The following ABCB5 variants were observed in gnomAD, a reference collection of about 807,000 sequenced individuals.
ABCB5 encodes the protein ATP binding cassette subfamily B member 5.
ABCB5 carries 155 observed loss-of-function variants against 144.2 expected under a neutral mutation model. That is an observed-to-expected ratio of 1.08 (90% CI 0.94 to 1.23). The LOEUF is 1.23. Among genes scored for constraint, ABCB5 ranks in the 50% most tolerant of loss-of-function variants. The pLI, the probability that ABCB5 is intolerant of heterozygous loss-of-function variation, is 0.00. For synonymous variants in ABCB5, 610 were observed against 528.6 expected (o/e 1.15, Z -2.11); for missense variants, 1,830 against 1,520.8 (o/e 1.20, Z -3.38).
At chr7:20,718,586 GT>G (rs917476736) in intron 20 of ABCB5, among the ~76,000 whole-genome samples, 7 of 152,116 alleles carry the variant, frequency 4.6e-5, no homozygotes, top group African/African-American at 1.4e-4. Flanking sequence ...AAACCACAAA[GT>G]TTTTTAGGAA....
At chr7:20,722,823 GA>G (rs1326777595) in intron 20 of ABCB5, among the ~76,000 whole-genome samples, 192 bp from the exon 21 acceptor site, 2 of 148,610 alleles carry the variant, frequency 1.3e-5, no homozygotes, top group Non-Finnish European at 1.5e-5. Flanking sequence ...CTCCATCCCG[GA>G]AAAAAAAATA....
At chr7:20,719,395 A>C (rs1202653415) in intron 20 of ABCB5, among the ~76,000 whole-genome samples, 1 of 152,270 alleles carries the variant, frequency 6.6e-6, no homozygotes, top group Admixed American at 6.5e-5. Context: ...ATTTTACCTC[A>C]TACTATGACT....
rs983361915 is a variant in ABCB5, at chr7:20,650,011, C to T, written c.1207-11C>T. Reference sequence around the variant, plus strand: ...GTGGTTTTATGATTTTCCCTCCATACATTCCAATAGATTCTGAAAGGTCTG... The same window carrying T: ...GTGGTTTTATGATTTTCCCTCCATATATTCCAATAGATTCTGAAAGGTCTG... On this transcript the variant is annotated splice_polypyrimidine_tract_variant and intron_variant, in intron 11 of 27. Coordinates refer to ENST00000404938, the MANE Select transcript of ABCB5 (RefSeq NM_001163941.2). 3 of 1,607,274 alleles carry T rather than the reference C, an allele frequency of 1.9e-6. No homozygotes were observed. The highest frequency in any genetic ancestry group is 2.6e-6 in the Non-Finnish European group (3 of 1,176,430).
At chr7:20,672,715 T>A (rs1174785133) in intron 14 of ABCB5, among the ~76,000 whole-genome samples, 7 of 152,194 alleles carry the variant, frequency 4.6e-5, no homozygotes, top group African/African-American at 1.7e-4. Flanking sequence ...CAGTTTAAGG[T>A]TCCTTTTGTT....
chr7:20,688,502 C>G (rs994002928), intron 16 of ABCB5, among the ~76,000 whole-genome samples: 1 of 152,144 alleles, frequency 6.6e-6, no homozygotes, highest in East Asian at 1.9e-4. Context: ...GAAATAGGAA[C>G]ACTTTTACAC....
chr7:20,662,263 C>T (rs138224998), intron 14 of ABCB5, among the ~76,000 whole-genome samples: 1 of 152,346 alleles, frequency 6.6e-6, no homozygotes, highest in East Asian at 1.9e-4. Flanking sequence ...TTTATTGCAG[C>T]CCTCACGGGC....
intron 20 of ABCB5, among the ~76,000 whole-genome samples, chr7:20,717,971 G>C (rs1233172513): frequency 2.5e-5 from 3 of 118,512 alleles, no homozygotes; most frequent in Admixed American, 2.4e-4. Context: ...GCGCAATCTC[G>C]GCTCATTGCA....
At chr7:20,659,826 G>C (rs528938629) in intron 14 of ABCB5, 1 of 932,590 alleles carries the variant, frequency 1.1e-6, no homozygotes, top group Non-Finnish European at 1.3e-6. Flanking sequence ...TGGGAGTACA[G>C]GCGTGCATCA....
intron 13 of ABCB5, among the ~76,000 whole-genome samples, chr7:20,652,807 G>A (rs555293191): frequency 6.6e-6 from 1 of 152,318 alleles, no homozygotes; most frequent in East Asian, 1.9e-4. Flanking sequence ...GAAAGGATGA[G>A]ATTTGCAATT....
At chr7:20,631,743 A>G (rs1784042368) in intron 4 of ABCB5, among the ~76,000 whole-genome samples, 1 of 152,176 alleles carries the variant, frequency 6.6e-6, no homozygotes, top group Non-Finnish European at 1.5e-5. Context: ...CTCAGGCAGA[A>G]GCAGGGAATT....
chr7:20,739,981 C>T (rs1485912823), intron 24 of ABCB5, among the ~76,000 whole-genome samples: 3 of 152,112 alleles, frequency 2.0e-5, no homozygotes, highest in Non-Finnish European at 4.4e-5. Flanking sequence ...CCTGTAATCC[C>T]AGCACTTTGG....
At chr7:20,703,787 T>C (rs1254381350) in intron 19 of ABCB5, among the ~76,000 whole-genome samples, 1 of 152,210 alleles carries the variant, frequency 6.6e-6, no homozygotes, top group Non-Finnish European at 1.5e-5. Flanking sequence ...GCTGTCTCCA[T>C]TTGCTGTTGA....
intron 7 of ABCB5, among the ~76,000 whole-genome samples, chr7:20,644,708 C>A (rs1031473698): frequency 1.3e-5 from 2 of 152,216 alleles, no homozygotes; most frequent in African/African-American, 2.4e-5. Context: ...CAACACTAAT[C>A]ATTCTTTATG....
chr7:20,640,127 G>T (rs955398154), intron 5 of ABCB5, among the ~76,000 whole-genome samples: 100 of 152,046 alleles, frequency 6.6e-4, no homozygotes, highest in African/African-American at 2.3e-3. Flanking sequence ...TCAACAAGAT[G>T]ATTTGTATTA....
chr7:20,723,078 C>G lies in ABCB5; in HGVS notation c.2484C>G (p.Ile828Met), dbSNP rs144572651. 6.2e-7 allele frequency: 1 copy of G among 1,614,120 alleles called. No homozygotes were observed. The highest frequency in any genetic ancestry group is 1.1e-5 in the South Asian group (1 of 91,076). ...QNATNMGLSV[I>M]ISFIYGWEMT... Reference sequence around the variant, plus strand: ...CAACTAACATGGGACTTTCAGTTATCATTTCCTTTATATATGGATGGGAGA... The same window carrying G: ...CAACTAACATGGGACTTTCAGTTATGATTTCCTTTATATATGGATGGGAGA... The change falls in exon 21 of 28, where the codon ATC becomes ATG. Residue 828 changes from isoleucine to methionine, a missense_variant. Physicochemically the swap from Ile to Met is conservative, Grantham distance 10. Coordinates refer to ENST00000404938, the MANE Select transcript of ABCB5 (RefSeq NM_001163941.2).
intron 7 of ABCB5, among the ~76,000 whole-genome samples, chr7:20,644,091 T>A (rs1177860241): frequency 2.0e-5 from 2 of 98,130 alleles, no homozygotes; most frequent in Non-Finnish European, 3.8e-5. Context: ...TATGTAAAGT[T>A]TTTTTTTTTT....
intron 14 of ABCB5, among the ~76,000 whole-genome samples, chr7:20,680,947 C>T (rs967268332): frequency 6.6e-6 from 1 of 151,734 alleles, no homozygotes; most frequent in Non-Finnish European, 1.5e-5. Flanking sequence ...AAGATTTCTT[C>T]TTTCCCTCCC....
chr7:20,618,950 C>T (rs374856330), intron 1 of ABCB5, among the ~76,000 whole-genome samples: 1 of 151,226 alleles, frequency 6.6e-6, no homozygotes, highest in African/African-American at 2.4e-5. Flanking sequence ...AATTTTTGTA[C>T]CTTTAGTGGA....
intron 15 of ABCB5, among the ~76,000 whole-genome samples, chr7:20,683,414 G>C (rs935000107): frequency 1.9e-4 from 29 of 152,138 alleles, no homozygotes; most frequent in Non-Finnish European, 4.0e-4. Flanking sequence ...ACTAATATGA[G>C]TTGGAATAAT....
Sources: gnomAD v4.1 joint callset for allele counts (sites outside exome capture counted in the v4.1 genomes callset) on GRCh38, gnomAD v4.1.1 for gene constraint, MANE v1.5 for transcripts, NCBI Gene and HGNC (gene_info 2026-07-23, HGNC 2026-07-21) for gene names.